Variants in DLC1 observed in about 807,000 individuals in gnomAD.
DLC1 encodes rho GTPase-activating protein 7.
Under a neutral mutation model 140.3 loss-of-function variants are expected in DLC1, and 54 were observed. The observed-to-expected ratio is 0.38, with a 90% confidence interval of 0.31 to 0.48. The LOEUF is 0.48. Ranked by LOEUF, DLC1 falls within the 20% of genes least tolerant of loss-of-function variation. DLC1 has a pLI of 0.96. For synonymous variants in DLC1, 986 were observed against 728.1 expected, an observed-to-expected ratio of 1.35 and a Z score of -5.70; for missense variants, 2,536 against 1,907.0, an observed-to-expected ratio of 1.33 and a Z score of -6.14.
At chr8:13,086,972 C>T (rs1306040138) in intron 16 of DLC1, among the ~76,000 whole-genome samples, 1 of 152,168 alleles carries the variant, frequency 6.6e-6, no homozygotes, top group Non-Finnish European at 1.5e-5. Context: ...TGTACTCAAA[C>T]TTGGGCAACA....
At chr8:13,268,275 G>A (rs1194180406) in intron 5 of DLC1, among the ~76,000 whole-genome samples, 1 of 152,140 alleles carries the variant, frequency 6.6e-6, no homozygotes, top group African/African-American at 2.4e-5. Context: ...GTCTTATAAA[G>A]AGGAGAATGG....
chr8:13,525,495 G>T (rs1397534002), intron 1 of DLC1, among the ~76,000 whole-genome samples: 1 of 152,200 alleles, frequency 6.6e-6, no homozygotes, highest in Non-Finnish European at 1.5e-5. Flanking sequence ...CATGCCAACA[G>T]TTGGTATGAT....
intron 3 of DLC1, among the ~76,000 whole-genome samples, chr8:13,395,862 T>C (rs548090164): frequency 3.0e-4 from 46 of 151,852 alleles, no homozygotes; most frequent in African/African-American, 9.2e-4. Context: ...CTTTGTTTTT[T>C]TGCATAGAAA....
chr8:13,497,924 C>T (rs933469078), intron 2 of DLC1, among the ~76,000 whole-genome samples: 4 of 152,140 alleles, frequency 2.6e-5, no homozygotes, highest in African/African-American at 9.7e-5. Context: ...TTTAAACTAA[C>T]TCACGACACA....
chr8:13,443,452 G>A (rs1170524932), intron 2 of DLC1, among the ~76,000 whole-genome samples: 1 of 150,834 alleles, frequency 6.6e-6, no homozygotes, highest in African/African-American at 2.4e-5. Context: ...AAGGTCAGGA[G>A]ATCGAGACCA....
rs1837009228 is a variant in DLC1 at position 13,395,748 on chromosome 8, CATGTGT to C, written c.1174-2061_1174-2056del. Among the ~76,000 whole-genome samples, 3 of 122,638 alleles carry C rather than the reference CATGTGT, an allele frequency of 2.4e-5. No homozygotes were observed. The South Asian group carries it at 8.4e-4, about 34-fold the overall frequency. The allele number at this position is 122,638 out of a possible 152,430, so 80.5% of individuals were successfully genotyped here. On this transcript the variant is annotated intron_variant, in intron 3 of 17. Transcript: ENST00000276297. ...ATGTTACACTCTTTAAATGTATGTG[CATGTGT>C]GTGTGTGCGTGTGCGTGTGTGTAGA...
chr8:13,111,507 C>T (rs935143564), intron 6 of DLC1, among the ~76,000 whole-genome samples: 1 of 152,146 alleles, frequency 6.6e-6, no homozygotes, highest in Non-Finnish European at 1.5e-5. Context: ...AATGAAGAAG[C>T]TGTATCAGAA....
At chr8:13,217,721 C>A (rs538035549) in intron 5 of DLC1, among the ~76,000 whole-genome samples, 1 of 151,956 alleles carries the variant, frequency 6.6e-6, no homozygotes, top group Admixed American at 6.6e-5. Context: ...ACCTGTAGTC[C>A]CAGCTACTTG....
intron 2 of DLC1, among the ~76,000 whole-genome samples, chr8:13,406,313 T>C (rs1378452509): frequency 6.6e-6 from 1 of 150,422 alleles, no homozygotes; most frequent in Admixed American, 6.7e-5. Flanking sequence ...CCACTGCGCC[T>C]GACCTTGCCC....
chr8:13,109,806 A>T (rs1481869609), intron 7 of DLC1, among the ~76,000 whole-genome samples: 1 of 151,774 alleles, frequency 6.6e-6, no homozygotes, highest in Admixed American at 6.6e-5. Flanking sequence ...ATTTACTTGA[A>T]CCTGGGAGGC....
chr8:13,593,480 A>C (rs757236989), intron 1 of DLC1, among the ~76,000 whole-genome samples: 1 of 152,112 alleles, frequency 6.6e-6, no homozygotes, highest in Non-Finnish European at 1.5e-5. Context: ...TTAAGATTCA[A>C]TTCACGCTTC....
chr8:13,276,328 T>A, intron 5 of DLC1: 1 of 1,532,810 alleles, frequency 6.5e-7, no homozygotes, highest in East Asian at 2.5e-5. Flanking sequence ...GAGTCCCTGA[T>A]GTGATCGCTA....
At chr8:13,162,670 C>T (rs1437515646) in intron 5 of DLC1, among the ~76,000 whole-genome samples, 1 of 152,072 alleles carries the variant, frequency 6.6e-6, no homozygotes, top group Non-Finnish European at 1.5e-5. Context: ...ACAGTGGGTA[C>T]AGCTCACGAA....
At chr8:13,511,015 CACAA>C (rs937196461) in intron 1 of DLC1, among the ~76,000 whole-genome samples, 20 of 151,826 alleles carry the variant, frequency 1.3e-4, no homozygotes, top group African/African-American at 4.8e-4. Flanking sequence ...CCATTCATTT[CACAA>C]ACATTTATTG....
At chr8:13,239,128 GT>G (rs1201998378) in intron 5 of DLC1, among the ~76,000 whole-genome samples, 1 of 152,096 alleles carries the variant, frequency 6.6e-6, no homozygotes, top group Non-Finnish European at 1.5e-5. Flanking sequence ...GGGGTCATAG[GT>G]TTCTTATCTC....
intron 2 of DLC1, among the ~76,000 whole-genome samples, chr8:13,408,970 A>T (rs1165615491): frequency 6.6e-6 from 1 of 152,126 alleles, no homozygotes; most frequent in Non-Finnish European, 1.5e-5. Flanking sequence ...ACAAAAAAAG[A>T]CATAAGTAAA....
chr8:13,373,468 C>T (rs970134696), intron 4 of DLC1, among the ~76,000 whole-genome samples: 8 of 152,110 alleles, frequency 5.3e-5, no homozygotes, highest in Non-Finnish European at 1.2e-4. Flanking sequence ...TAGTTAAACC[C>T]AGTTGTCCTG....
intron 5 of DLC1, among the ~76,000 whole-genome samples, chr8:13,151,216 TGTCA>T (rs1335123488): frequency 6.6e-6 from 1 of 152,248 alleles, no homozygotes; most frequent in African/African-American, 2.4e-5. Flanking sequence ...CATTTACAGA[TGTCA>T]GTCTTCCTCA....
At chr8:13,212,026 G>T (rs142501325) in intron 5 of DLC1, among the ~76,000 whole-genome samples, 41 of 152,292 alleles carry the variant, frequency 2.7e-4, no homozygotes, top group African/African-American at 9.1e-4. Context: ...GAAAAGGCAT[G>T]CATGAAAGCA....
Sources: gnomAD v4.1 joint callset for allele counts (sites outside exome capture counted in the v4.1 genomes callset) on GRCh38, gnomAD v4.1.1 for gene constraint, MANE v1.5 for transcripts, NCBI Gene and HGNC (gene_info 2026-07-23, HGNC 2026-07-21) for gene names.